The following COL6A6 variants were observed in gnomAD, a reference collection of about 807,000 sequenced individuals.
COL6A6 encodes collagen type VI alpha 6 chain.
A neutral mutation model predicts 208.6 loss-of-function variants in COL6A6; 183 were observed. The observed-to-expected ratio is 0.88, with a 90% CI of 0.78 to 0.99. The LOEUF (loss-of-function observed/expected upper bound fraction) is 0.99. Among genes scored for constraint, COL6A6 ranks in the 50% least tolerant of loss-of-function variants. COL6A6 has a pLI of 0.00. For missense variants in COL6A6, 2,816 were observed against 2,815.2 expected, an observed-to-expected ratio of 1.00 and a Z score of -0.01; for synonymous variants, 973 against 1,011.8, an observed-to-expected ratio of 0.96 and a Z score of 0.73.
At chr3:130,564,391 T>TA (rs1355048184) in intron 3 of COL6A6, among the ~76,000 whole-genome samples, 2 of 152,188 alleles carry the variant, frequency 1.3e-5, no homozygotes, top group East Asian at 1.9e-4. Flanking sequence ...GGATAGCCAG[T>TA]AAAAAACAAT....
At chr3:130,612,942 T>C (rs2064404936) in intron 23 of COL6A6, among the ~76,000 whole-genome samples, 1 of 152,188 alleles carries the variant, frequency 6.6e-6, no homozygotes, top group Admixed American at 6.5e-5. Flanking sequence ...GGATATATAG[T>C]TTGCAAATAT....
Position 130,565,622 on chromosome 3 carries a change from C to G in COL6A6, c.1282+8C>G, listed in dbSNP as rs1482545159. 6.3e-7 allele frequency: 1 copy of G among 1,598,770 alleles called. No homozygotes were observed. Among genetic ancestry groups the G allele is most frequent in the East Asian group, 2.2e-5 (1 of 44,660 alleles). ...CTGAAACGCTCAAATCTGGTAAGGT[C>G]TTCTGCTGAAAGAAGGGTTGTTTGG... is the stretch of plus-strand genomic sequence containing the variant. On this transcript the variant is annotated splice_region_variant and intron_variant, in intron 4 of 36. Coordinates refer to ENST00000358511, the MANE Select transcript of COL6A6 (RefSeq NM_001102608.3).
rs1440439895 is a variant in COL6A6 at position 130,517,181 on chromosome 3, C to A, written c.-248C>A. Reference sequence around the variant, plus strand: ...TCGGCGAGGGGCGTGGGAGCTGCCACCCGCTTGCCTGCGGGACACCGGAGT... The same window carrying A: ...TCGGCGAGGGGCGTGGGAGCTGCCAACCGCTTGCCTGCGGGACACCGGAGT... On this transcript the variant is annotated 5_prime_UTR_variant, in exon 1 of 37. Transcript: ENST00000358511. Among the ~76,000 whole-genome samples, 2 of 152,212 alleles carry A rather than the reference C, an allele frequency of 1.3e-5. No individual in the cohort carries two copies. The highest frequency in any genetic ancestry group is 2.9e-5 in the Non-Finnish European group (2 of 68,030).
At chr3:130,623,217 G>A (rs2064789063) in intron 24 of COL6A6, among the ~76,000 whole-genome samples, 1 of 152,160 alleles carries the variant, frequency 6.6e-6, no homozygotes, top group Non-Finnish European at 1.5e-5. Flanking sequence ...CAGCACTTTG[G>A]GAAGCCGAGC....
intron 1 of COL6A6, among the ~76,000 whole-genome samples, chr3:130,520,172 C>T (rs1242566207): frequency 6.6e-6 from 1 of 152,190 alleles, no homozygotes; most frequent in Admixed American, 6.5e-5. Flanking sequence ...TAAAAGTGCA[C>T]TCAGTGTTTT....
In COL6A6 at chr3:130,571,159, C is replaced by T. The variant is rs373357114; in HGVS notation, c.2743C>T (p.Leu915Phe). Reference sequence around the variant, plus strand: ...CCTGAACAAGGGGGTCCCCCAAGTCCTCATTGTGATCACCGATGGGGAATC... The same window carrying T: ...CCTGAACAAGGGGGTCCCCCAAGTCTTCATTGTGATCACCGATGGGGAATC... Reference protein sequence around the residue: ...SRLNKGVPQVLIVITDGESHD... With the variant: ...SRLNKGVPQVFIVITDGESHD... Residue 915 changes from leucine (L) to phenylalanine (F), a missense_variant, in exon 7 of 37, where the codon CTC becomes TTC. Leu to Phe is a conservative substitution (Grantham distance 22). Coordinates refer to ENST00000358511, the MANE Select transcript of COL6A6 (RefSeq NM_001102608.3). The T allele has an allele frequency of 6.2e-7, 1 of 1,613,506 alleles. No homozygotes were observed. The highest frequency in any genetic ancestry group is 1.3e-5 in the African/African-American group (1 of 75,074).
At position 130,568,471 on chromosome 3, in the gene COL6A6, A is replaced by G; in HGVS notation, c.2268A>G (p.Gly756=). ...AAGGTGTAATCATCTATTCTGTGGG[A>G]GTGTTTGGCTCCAATGTCACCCAGC... ...RQEGVIIYSV[G]VFGSNVTQLE... is the part of the protein sequence containing the mutation. The change falls in exon 6 of 37, where the codon GGA becomes GGG. Residue 756 remains glycine (G), a synonymous_variant. Transcript: ENST00000358511. 1 of 1,613,850 alleles carries G rather than the reference A, an allele frequency of 6.2e-7. No individual in the cohort carries two copies. The highest frequency in any genetic ancestry group is 1.1e-5 in the South Asian group (1 of 91,078).
In COL6A6 at chr3:130,586,879, TAGG is replaced by T. The variant is rs559890387; in HGVS notation, c.4125+227_4125+229del. ...GTTTAATTTATACACTGGGCAAAAATAGGAGGAGGAAAGAGGGAAAAAGAAGAA... is the reference window on the plus strand; with the variant it reads ...GTTTAATTTATACACTGGGCAAAAATAGGAGGAAAGAGGGAAAAAGAAGAA... On this transcript the variant is annotated intron_variant, in intron 11 of 36. Transcript: ENST00000358511. 8.5e-4 allele frequency among the ~76,000 whole-genome samples: 129 copies of T among 151,860 alleles called. 1 individual carries two copies. The highest frequency in any genetic ancestry group is 2.9e-3 in the African/African-American group (121 of 41,402).
chr3:130,591,596 T>C (rs768416886), intron 13 of COL6A6, among the ~76,000 whole-genome samples: 2 of 152,234 alleles, frequency 1.3e-5, no homozygotes, highest in Non-Finnish European at 2.9e-5. Context: ...ATGTTACATA[T>C]ATGTGTGCCT....
chr3:130,658,547 C>T, intron 33 of COL6A6, 129 bp from the exon 34 acceptor site: 1 of 635,510 alleles, frequency 1.6e-6, no homozygotes. Context: ...TGCTTACATG[C>T]TGTGCCTCCC....
chr3:130,529,468 T>C (rs2062034303), intron 1 of COL6A6, among the ~76,000 whole-genome samples: 1 of 152,170 alleles, frequency 6.6e-6, no homozygotes, highest in South Asian at 2.1e-4. Flanking sequence ...GTGCAGATTG[T>C]ATGATGATAT....
chr3:130,631,252 C>G (rs377025076), intron 26 of COL6A6, among the ~76,000 whole-genome samples: 17,302 of 101,910 alleles, frequency 0.17, 3,840 homozygotes, highest in Non-Finnish European at 0.21. Flanking sequence ...AAACTACCAT[C>G]AGAGAATACT....
At chr3:130,538,505 C>T (rs775075573) in intron 1 of COL6A6, among the ~76,000 whole-genome samples, 5 of 152,220 alleles carry the variant, frequency 3.3e-5, no homozygotes, top group Non-Finnish European at 5.9e-5. Context: ...AAAGAAGATA[C>T]TGTGCCAACT....
At chr3:130,607,969 G>C (rs571867108) in intron 21 of COL6A6, among the ~76,000 whole-genome samples, 1 of 152,272 alleles carries the variant, frequency 6.6e-6, no homozygotes, top group South Asian at 2.1e-4. Flanking sequence ...GTCTAGTGAG[G>C]GCTTGCTGTT....
intron 18 of COL6A6, among the ~76,000 whole-genome samples, chr3:130,596,261 G>A (rs2063848205): frequency 6.6e-6 from 1 of 152,184 alleles, no homozygotes; most frequent in South Asian, 2.1e-4. Context: ...GCACAACTTA[G>A]AAATATTAGT....
rs2065944994 is a variant in COL6A6 at position 130,661,938 on chromosome 3, G to C, written c.6132G>C (p.Met2044Ile). The C allele has an allele frequency of 6.2e-7, 1 of 1,613,878 alleles. No homozygotes were observed. Among genetic ancestry groups the C allele is most frequent in the South Asian group, 1.1e-5 (1 of 91,090 alleles). The part of the protein sequence containing the change: ...NLTTYRSKRL[M>I]KRHVHESVKQ... ...CCACCTACAGAAGTAAGCGCCTCAT[G>C]AAGAGGCATGTGCACGAGTCAGTTA... The change falls in exon 35 of 37, where the codon ATG becomes ATC. Residue 2044 changes from methionine to isoleucine, a missense_variant. Transcript: ENST00000358511.
intron 10 of COL6A6, among the ~76,000 whole-genome samples, chr3:130,585,239 G>C (rs928109488): frequency 3.3e-5 from 5 of 152,120 alleles, no homozygotes; most frequent in Non-Finnish European, 7.4e-5. Flanking sequence ...TTTATTCCAA[G>C]ATTATATCTT....
Position 130,565,407 on chromosome 3 carries a change from G to A in COL6A6, c.1075G>A (p.Gly359Ser), listed in dbSNP as rs202178957. ...AGCAGCTGTTAACCTCCGACGGGAG[G>A]GTGTGACCATCTTCACCCTGGGCAT... ...TKAAVNLRRE[G>S]VTIFTLGIEG... The change falls in exon 4 of 37, where the codon GGT becomes AGT. Residue 359 changes from glycine to serine, a missense_variant. Coordinates refer to ENST00000358511, the MANE Select transcript of COL6A6 (RefSeq NM_001102608.3). 2.8e-5 allele frequency: 45 copies of A among 1,613,738 alleles called. No individual in the cohort carries two copies. In the East Asian group the frequency reaches 1.0e-3, roughly 36 times the overall value.
chr3:130,673,581 A>C (rs778179262), intron 36 of COL6A6, among the ~76,000 whole-genome samples: 2 of 152,172 alleles, frequency 1.3e-5, no homozygotes, highest in Non-Finnish European at 2.9e-5. Context: ...TGCCCTTCCC[A>C]TATCAGTGGA....
Sources: gnomAD v4.1 joint callset for allele counts (sites outside exome capture counted in the v4.1 genomes callset) on GRCh38, gnomAD v4.1.1 for gene constraint, MANE v1.5 for transcripts, NCBI Gene and HGNC (gene_info 2026-07-23, HGNC 2026-07-21) for gene names.